Variants in PFDN1 observed in about 807,000 individuals in gnomAD.
PFDN1 encodes the protein prefoldin subunit 1, also known as prefoldin 1.
PFDN1 carries 6 observed loss-of-function variants against 17.3 expected under a neutral mutation model. That is an observed-to-expected ratio of 0.35 (90% CI 0.19 to 0.69). The LOEUF is 0.69. Ranked by LOEUF, PFDN1 falls within the 30% of genes least tolerant of loss-of-function variation. PFDN1 has a pLI of 0.65. For missense variants in PFDN1, 113 were observed against 146.2 expected, an observed-to-expected ratio of 0.77 and a Z score of 1.17; for synonymous variants, 58 against 50.1, an observed-to-expected ratio of 1.16 and a Z score of -0.67.
At chr5:140,264,894 G>A (rs1286006826) in intron 3 of PFDN1, among the ~76,000 whole-genome samples, 1 of 152,136 alleles carries the variant, frequency 6.6e-6, no homozygotes, top group Non-Finnish European at 1.5e-5. Context: ...GTAGCAATGT[G>A]TGTGTACATA....
At chr5:140,261,909 C>G (rs915725807) in intron 3 of PFDN1, among the ~76,000 whole-genome samples, 1 of 152,082 alleles carries the variant, frequency 6.6e-6, no homozygotes, top group Non-Finnish European at 1.5e-5. Context: ...GGGCTCAGAT[C>G]ATGATGAAAT....
At chr5:140,259,354 T>C (rs931260515) in intron 3 of PFDN1, among the ~76,000 whole-genome samples, 1 of 152,230 alleles carries the variant, frequency 6.6e-6, no homozygotes, top group African/African-American at 2.4e-5. Context: ...ACATTGGGTT[T>C]TGTGTAGGTC....
chr5:140,246,241 C>T (rs977248946), intron 3 of PFDN1, among the ~76,000 whole-genome samples, 184 bp from the exon 4 acceptor site: 17 of 152,296 alleles, frequency 1.1e-4, no homozygotes, highest in African/African-American at 3.1e-4. Flanking sequence ...TGGGTGATCA[C>T]GGGCAGGCAG....
At chr5:140,296,116 A>G (rs1250184485) in intron 2 of PFDN1, among the ~76,000 whole-genome samples, 2 of 152,192 alleles carry the variant, frequency 1.3e-5, no homozygotes, top group African/African-American at 4.8e-5. Context: ...TTGGTCAGAT[A>G]TAATTTTTTT....
intron 2 of PFDN1, among the ~76,000 whole-genome samples, chr5:140,290,495 G>T (rs1038149711): frequency 1.1e-4 from 17 of 152,276 alleles, no homozygotes; most frequent in Middle Eastern, 3.4e-3. Context: ...CCCTGAGGAG[G>T]CCTGACCTAT....
intron 3 of PFDN1, among the ~76,000 whole-genome samples, chr5:140,274,207 T>C (rs1194459693): frequency 6.6e-6 from 1 of 152,250 alleles, no homozygotes; most frequent in African/African-American, 2.4e-5. Flanking sequence ...CAGTTTTAAC[T>C]CAACTTTAAA....
At chr5:140,282,195 T>TAAAAAAAAAA (rs34012371) in intron 2 of PFDN1, 4 of 124,278 alleles carry the variant, frequency 3.2e-5, no homozygotes, top group Non-Finnish European at 3.4e-5. Context: ...TTAAAAACAT[T>TAAAAAAAAAA]AAAAAAAAAA....
chr5:140,252,702 G>A (rs1353900027), intron 3 of PFDN1, among the ~76,000 whole-genome samples: 3 of 152,216 alleles, frequency 2.0e-5, no homozygotes, highest in Non-Finnish European at 4.4e-5. Context: ...GAGGGCTGAA[G>A]AAGCATGTTT....
chr5:140,303,062 G>A lies in PFDN1; in HGVS notation c.12C>T (p.Pro4=), dbSNP rs146934289. The change falls in exon 1 of 4, where the codon CCC becomes CCT. Residue 4 remains proline (P), a synonymous_variant. Coordinates refer to ENST00000261813, the MANE Select transcript of PFDN1 (RefSeq NM_002622.5). MAA[P]VDLELKKAFT... ...TTACCTTCTTCAGCTCTAGATCCAC[G>A]GGGGCGGCCATCTTGGTGCACTGTA... The A allele has an allele frequency of 6.2e-7, 1 of 1,612,544 alleles. No individual in the cohort carries two copies. Among genetic ancestry groups the A allele is most frequent in the African/African-American group, 1.3e-5 (1 of 74,906 alleles).
At chr5:140,286,749 G>A (rs897534774) in intron 2 of PFDN1, among the ~76,000 whole-genome samples, 1 of 151,758 alleles carries the variant, frequency 6.6e-6, no homozygotes, top group Non-Finnish European at 1.5e-5. Context: ...AGGATTATGG[G>A]TGCCTGCCAC....
chr5:140,296,862 T>C (rs889519057), intron 2 of PFDN1, among the ~76,000 whole-genome samples: 6 of 152,194 alleles, frequency 3.9e-5, no homozygotes, highest in African/African-American at 1.4e-4. Flanking sequence ...CATGCTATCC[T>C]AACCCTGGAA....
intron 3 of PFDN1, among the ~76,000 whole-genome samples, chr5:140,280,244 C>T (rs893345079): frequency 7.2e-5 from 6 of 82,810 alleles, no homozygotes; most frequent in African/African-American, 4.7e-4. Context: ...TATTTACCTA[C>T]AGTTGCAAAA....
chr5:140,255,516 G>A (rs1421490240), intron 3 of PFDN1, among the ~76,000 whole-genome samples: 1 of 152,150 alleles, frequency 6.6e-6, no homozygotes, highest in African/African-American at 2.4e-5. Context: ...GTGCATGTCT[G>A]TAGCCCCAGC....
chr5:140,283,066 C>A (rs1483765984), intron 2 of PFDN1, among the ~76,000 whole-genome samples: 2 of 152,120 alleles, frequency 1.3e-5, no homozygotes, highest in Non-Finnish European at 2.9e-5. Flanking sequence ...AGATATAAGA[C>A]AAGTAAAAAC....
intron 3 of PFDN1, among the ~76,000 whole-genome samples, chr5:140,260,024 T>C (rs1188228179): frequency 1.3e-5 from 2 of 152,064 alleles, no homozygotes; most frequent in African/African-American, 4.8e-5. Context: ...AATGATAGAC[T>C]ATACCAACTA....
At chr5:140,294,999 G>A (rs950427668) in intron 2 of PFDN1, among the ~76,000 whole-genome samples, 1 of 151,664 alleles carries the variant, frequency 6.6e-6, no homozygotes, top group Non-Finnish European at 1.5e-5. Context: ...TTTTAGTTAG[G>A]TTCAAGTTTT....
intron 3 of PFDN1, among the ~76,000 whole-genome samples, chr5:140,259,867 T>TCAA: frequency 6.6e-6 from 1 of 152,180 alleles, no homozygotes; most frequent in Non-Finnish European, 1.5e-5. Context: ...TTCTTTCAAG[T>TCAA]CAACAACAAC....
chr5:140,267,078 A>C (rs938480999), intron 3 of PFDN1, among the ~76,000 whole-genome samples: 7 of 152,112 alleles, frequency 4.6e-5, no homozygotes, highest in African/African-American at 1.7e-4. Flanking sequence ...TGCGGGTTAC[A>C]GTTACATGCA....
At chr5:140,298,975 C>A (rs968379961) in intron 2 of PFDN1, among the ~76,000 whole-genome samples, 4 of 151,910 alleles carry the variant, frequency 2.6e-5, no homozygotes, top group Admixed American at 6.6e-5. Flanking sequence ...GGTCTCAAAC[C>A]CCTAACCTCA....
Sources: allele counts gnomAD v4.1 joint callset (sites outside exome capture counted in the v4.1 genomes callset), GRCh38; gene constraint gnomAD v4.1.1; transcripts MANE v1.5; gene names NCBI Gene and HGNC (gene_info 2026-07-23, HGNC 2026-07-21).